CCDC17: variants seen among roughly 807,000 people sequenced by gnomAD.
The protein encoded by CCDC17 is coiled-coil domain containing 17, also known as coiled-coil domain-containing protein 17.
Under a neutral mutation model 68.0 loss-of-function variants are expected in CCDC17, and 79 were observed. That is an observed-to-expected ratio of 1.16 (90% CI 0.97 to 1.40). The LOEUF (loss-of-function observed/expected upper bound fraction) is 1.40. Among genes scored for constraint, CCDC17 ranks in the 40% most tolerant of loss-of-function variants. The probability of loss-of-function intolerance (pLI) is 0.00; values close to 1 mark genes in which losing one functional copy is unlikely to be tolerated. For missense variants in CCDC17, 846 were observed against 811.5 expected, an observed-to-expected ratio of 1.04 and a Z score of -0.52; for synonymous variants, 376 against 337.5, an observed-to-expected ratio of 1.11 and a Z score of -1.25.
chr1:45,621,202 C>G, intron 10 of CCDC17, 79 bp downstream of exon 10: 2 of 1,550,524 alleles, frequency 1.3e-6, no homozygotes, highest in East Asian at 2.4e-5. Flanking sequence ...CCTCTGTATA[C>G]AGATGAGAAA....
In CCDC17 at chr1:45,623,305, G is replaced by T; in HGVS notation, c.405C>A (p.Ser135Arg). 6.5e-7 allele frequency: 1 copy of T among 1,549,598 alleles called. No homozygotes were observed. ...SPMSEAVGSP[S>R]ERLRALFRTR... is the part of the protein sequence containing the mutation. ...TCCTGAACAGCGCCCGCAGCCGCTC[G>T]CTGGGGCTTCCCACCGCCTCGGACA... Residue 135 changes from serine to arginine, a missense_variant, in exon 3 of 13, where the codon AGC (serine) becomes AGA (arginine). Transcript: ENST00000528266.
In CCDC17 at chr1:45,620,173, T is replaced by C; in HGVS notation, c.*102A>G. Reference sequence around the variant, plus strand: ...TTTTCTGTACTCAACTGCTAGATGCTTCTAGACCCAATGTCAGAACATGGA... The same window carrying C: ...TTTTCTGTACTCAACTGCTAGATGCCTCTAGACCCAATGTCAGAACATGGA... On this transcript the variant is annotated 3_prime_UTR_variant, in exon 13 of 13. Coordinates refer to ENST00000528266, the MANE Select transcript of CCDC17 (RefSeq NM_001114938.3). 7.3e-7 allele frequency: 1 copy of C among 1,361,136 alleles called. No individual in the cohort carries two copies. The highest frequency in any genetic ancestry group is 2.6e-5 in the East Asian group (1 of 38,240). The allele number at this position is 1,361,136 out of a possible 1,614,324, so 84.3% of individuals were successfully genotyped here. A position where few individuals can be genotyped will look rare whatever the true frequency, so the allele number is the denominator to read the frequency against.
In CCDC17 at chr1:45,621,494, A is replaced by C. The variant is rs1305433413; in HGVS notation, c.1185-10T>G. On this transcript the variant is annotated splice_polypyrimidine_tract_variant and intron_variant, in intron 9 of 12. Coordinates refer to ENST00000528266, the MANE Select transcript of CCDC17 (RefSeq NM_001114938.3). ...AATGACCAGGCCAGCCCTGGGGAAC[A>C]CAAGTCTTAGCACAGAAATACCCAA... is the stretch of plus-strand genomic sequence containing the variant. 6.3e-7 allele frequency: 1 copy of C among 1,579,270 alleles called. No individual in the cohort carries two copies. The highest frequency in any genetic ancestry group is 1.4e-5 in the African/African-American group (1 of 74,010).
Position 45,623,985 on chromosome 1 carries a change from G to C in CCDC17, c.-76C>G. On this transcript the variant is annotated 5_prime_UTR_variant, in exon 1 of 13. The change creates a premature stop within an existing upstream ORF in the 5' untranslated region. Coordinates refer to ENST00000528266, the MANE Select transcript of CCDC17 (RefSeq NM_001114938.3). ...GGGCAGGGGAAAGGCAGAGGAGGATGAAAGAGACATAAAGCCAGAGGCAGA... is the reference window on the plus strand; with the variant it reads ...GGGCAGGGGAAAGGCAGAGGAGGATCAAAGAGACATAAAGCCAGAGGCAGA... The C allele has an allele frequency of 9.5e-7, 1 of 1,047,528 alleles. No individual in the cohort carries two copies. Among genetic ancestry groups the C allele is most frequent in the Non-Finnish European group, 1.4e-6 (1 of 732,056 alleles). The allele number at this position is 1,047,528 out of a possible 1,614,324, so 64.9% of individuals were successfully genotyped here.
Position 45,621,479 on chromosome 1 carries a change from C to G in CCDC17, c.1190G>C (p.Gly397Ala). ...CAGGAAATCATAGAAAATGACCAGGCCAGCCCTGGGGAACACAAGTCTTAG... is the reference window on the plus strand; with the variant it reads ...CAGGAAATCATAGAAAATGACCAGGGCAGCCCTGGGGAACACAAGTCTTAG... ...LGPAPYDPGA[G>A]LVIFYDFLRG... The change falls in exon 10 of 13, where the codon GGC becomes GCC. Residue 397 changes from glycine to alanine, a missense_variant. Gly to Ala is a moderately conservative substitution (Grantham distance 60, BLOSUM62 0). Coordinates refer to ENST00000528266, the MANE Select transcript of CCDC17 (RefSeq NM_001114938.3). 4 of 1,584,486 alleles carry G rather than the reference C, an allele frequency of 2.5e-6. No homozygotes were observed. Among genetic ancestry groups the G allele is most frequent in the Non-Finnish European group, 3.4e-6 (4 of 1,165,788 alleles).
Position 45,623,758 on chromosome 1 carries a change from G to T in CCDC17, c.152C>A (p.Ala51Asp), listed in dbSNP as rs1237074514. 1 of 1,551,198 alleles carries T rather than the reference G, an allele frequency of 6.4e-7. No individual in the cohort carries two copies. The highest frequency in any genetic ancestry group is 8.7e-7 in the Non-Finnish European group (1 of 1,146,722). Residue 51 changes from alanine to aspartate, a missense_variant, in exon 1 of 13, where the codon GCC becomes GAC. Physicochemically the swap from Ala to Asp is moderately radical, Grantham distance 126. Transcript: ENST00000528266. ...EMTFGAQASVATEPQRAAVVP... is the reference protein window; with the variant it reads ...EMTFGAQASVDTEPQRAAVVP... ...TACCGCGGCCCGCTGGGGTTCAGTG[G>T]CAACTGATGCCTGTGCTCCAAATGT...
chr1:45,620,956 C>A lies in CCDC17; in HGVS notation c.1546G>T (p.Ala516Ser). Residue 516 changes from alanine to serine, a missense_variant, in exon 11 of 13, where the codon GCC becomes TCC. Physicochemically the swap from Ala to Ser is moderately conservative, Grantham distance 99. Coordinates refer to ENST00000528266, the MANE Select transcript of CCDC17 (RefSeq NM_001114938.3). ...CTAAGGCTGGGGTCCAGAGGAAGGGCCCGAAGTGGGAGGCGCCAGCGGCCA... is the reference window on the plus strand; with the variant it reads ...CTAAGGCTGGGGTCCAGAGGAAGGGACCGAAGTGGGAGGCGCCAGCGGCCA... ...LSGRWRLPLR[A>S]LPLDPSLSLG... 4 of 1,613,848 alleles carry A rather than the reference C, an allele frequency of 2.5e-6. No individual in the cohort carries two copies. Among genetic ancestry groups the A allele is most frequent in the Non-Finnish European group, 3.4e-6 (4 of 1,179,828 alleles).
chr1:45,621,539 T>C, intron 9 of CCDC17, 55 bp from the exon 10 acceptor site: 1 of 1,572,910 alleles, frequency 6.4e-7, no homozygotes, highest in African/African-American at 1.4e-5. Context: ...ACCTCCCTCC[T>C]CTCAGGCAGG....
chr1:45,622,326 C>T lies in CCDC17; in HGVS notation c.882G>A (p.Gly294=). The part of the protein sequence containing the change: ...TRRGRAGATS[G]ELPVVEAENR... ...TTTCAGCCTCCACTACTGGAAGCTC[C>T]CCTGAGGTGGCACCTGCCCTTCCTG... The change falls in exon 7 of 13, where the codon GGG becomes GGA. Residue 294 remains glycine, a synonymous_variant. Coordinates refer to ENST00000528266, the MANE Select transcript of CCDC17 (RefSeq NM_001114938.3). The T allele has an allele frequency of 6.2e-7, 1 of 1,608,386 alleles. No homozygotes were observed. The highest frequency in any genetic ancestry group is 1.1e-5 in the South Asian group (1 of 90,448).
Position 45,621,380 on chromosome 1 carries a change from C to A in CCDC17, c.1289G>T (p.Arg430Met). 6.3e-7 allele frequency: 1 copy of A among 1,594,012 alleles called. No individual in the cohort carries two copies. The highest frequency in any genetic ancestry group is 1.3e-5 in the African/African-American group (1 of 74,628). ...GLARDGRDTG[R>M]TTALPPALCL... ...AAGGGCTGGGGGCAACGCTGTGGTC[C>A]TTCCTGTATCCCGTCCATCGCGTGC... is the stretch of plus-strand genomic sequence containing the variant. The change falls in exon 10 of 13, where the codon AGG becomes ATG. Residue 430 changes from arginine to methionine, a missense_variant. Physicochemically the swap from Arg to Met is moderately conservative, Grantham distance 91. Transcript: ENST00000528266.
chr1:45,621,888 C>G lies in CCDC17; in HGVS notation c.1075G>C (p.Gly359Arg). ...PVAPPLPPLP[G>R]FSEPQLPGTM... Reference sequence around the variant, plus strand: ...CCCAAGAACTGAACCTCCGAGAAGCCTGGAAGTGGTGGCAGCGGTGGTGCC... The same window carrying G: ...CCCAAGAACTGAACCTCCGAGAAGCGTGGAAGTGGTGGCAGCGGTGGTGCC... Residue 359 changes from glycine (G) to arginine (R), a missense_variant, in exon 8 of 13, where the codon GGC (glycine) becomes CGC (arginine). By Grantham distance (125) the Gly-to-Arg change is moderately radical. Coordinates refer to ENST00000528266, the MANE Select transcript of CCDC17 (RefSeq NM_001114938.3). The G allele has an allele frequency of 6.2e-7, 1 of 1,604,384 alleles. No homozygotes were observed. The highest frequency in any genetic ancestry group is 8.5e-7 in the Non-Finnish European group (1 of 1,175,808).
chr1:45,621,182 G>C, intron 10 of CCDC17, 69 bp from the exon 11 acceptor site: 1 of 1,570,954 alleles, frequency 6.4e-7, no homozygotes, highest in Non-Finnish European at 8.6e-7. Flanking sequence ...TAGCCCTTTA[G>C]AGCCAGCGGC....
chr1:45,621,791 C>CA (rs1203827963), intron 8 of CCDC17, 56 bp from the exon 9 acceptor site: 1 of 1,604,534 alleles, frequency 6.2e-7, no homozygotes, highest in African/African-American at 1.3e-5. Context: ...CATGTTCCCC[C>CA]AACTGCTCAG....
In CCDC17 at chr1:45,623,540, A is replaced by G; in HGVS notation, c.270+17T>C. 6.5e-7 allele frequency: 1 copy of G among 1,548,352 alleles called. No individual in the cohort carries two copies. The highest frequency in any genetic ancestry group is 8.7e-7 in the Non-Finnish European group (1 of 1,146,788). On this transcript the variant is annotated intron_variant, in intron 2 of 12. Transcript: ENST00000528266. Reference sequence around the variant, plus strand: ...CGCTCAACGTTTTGAGCCCTGGGGGAAGGTAGGTAGCTCTACCTCCTCTGT... The same window carrying G: ...CGCTCAACGTTTTGAGCCCTGGGGGGAGGTAGGTAGCTCTACCTCCTCTGT...
chr1:45,622,933 G>A lies in CCDC17; in HGVS notation c.656+22C>T, dbSNP rs372366891. ...CCACCCCGGAGCCGCATGTTCCGGG[G>A]ATCCGCTTAGTCGGGTCTCACCCTG... On this transcript the variant is annotated intron_variant, in intron 4 of 12. Coordinates refer to ENST00000528266, the MANE Select transcript of CCDC17 (RefSeq NM_001114938.3). 5.3e-5 allele frequency: 84 copies of A among 1,590,828 alleles called. No individual in the cohort carries two copies. The African/African-American group carries it at 1.0e-3, about 19-fold the overall frequency.
At chr1:45,622,074 G>A (rs1166604342) in intron 7 of CCDC17, 79 bp from the exon 8 acceptor site, 15 of 1,450,940 alleles carry the variant, frequency 1.0e-5, no homozygotes, top group Non-Finnish European at 1.4e-5. Context: ...CCAAGAGTTG[G>A]GCCCACAAAT....
Position 45,620,982 on chromosome 1 carries a change from C to G in CCDC17, c.1520G>C (p.Ser507Thr), listed in dbSNP as rs377018471. 4.3e-6 allele frequency: 7 copies of G among 1,613,758 alleles called. No homozygotes were observed. The African/African-American group carries it at 9.3e-5, about 22-fold the overall frequency. ...GLFDQDQRVL[S>T]GRWRLPLRAL... Reference sequence around the variant, plus strand: ...CCGAAGTGGGAGGCGCCAGCGGCCACTTAGCACCCGCTGATCTTGGTCAAA... The same window carrying G: ...CCGAAGTGGGAGGCGCCAGCGGCCAGTTAGCACCCGCTGATCTTGGTCAAA... Residue 507 changes from serine (S) to threonine (T), a missense_variant, in exon 11 of 13, where the codon AGT (serine) becomes ACT (threonine). By Grantham distance (58) the Ser-to-Thr change is moderately conservative. Coordinates refer to ENST00000528266, the MANE Select transcript of CCDC17 (RefSeq NM_001114938.3).
intron 12 of CCDC17, 28 bp from the exon 13 acceptor site, chr1:45,620,461 A>G: frequency 3.9e-6 from 6 of 1,522,898 alleles, no homozygotes; most frequent in Non-Finnish European, 4.4e-6. Context: ...GCAGGTTTTG[A>G]GCAAAAATGT....
rs1454990371 is a variant in CCDC17, at chr1:45,623,415, G to A, written c.295C>T (p.Gln99Ter). The change falls in exon 3 of 13, where the codon CAG becomes TAG. Residue 99 changes from glutamine to a stop codon, truncating the protein, a stop_gained. Coordinates refer to ENST00000528266, the MANE Select transcript of CCDC17 (RefSeq NM_001114938.3). LOFTEE classifies it high-confidence loss of function. Reference sequence around the variant, plus strand: ...TCTGTTATCCAGGGCCGCATTTCCTGTAGGGATAGCCGCAGCCACTGCACC... The same window carrying A: ...TCTGTTATCCAGGGCCGCATTTCCTATAGGGATAGCCGCAGCCACTGCACC... ...EEVQWLRLSLQEMRPWITEVP... is the reference protein window; with the variant it reads ...EEVQWLRLSL 1.3e-6 allele frequency: 2 copies of A among 1,550,634 alleles called. No homozygotes were observed. The highest frequency in any genetic ancestry group is 1.7e-6 in the Non-Finnish European group (2 of 1,146,988).
Sources: gnomAD v4.1 joint callset for allele counts on GRCh38, gnomAD v4.1.1 for gene constraint, MANE v1.5 for transcripts, NCBI Gene and HGNC (gene_info 2026-07-23, HGNC 2026-07-21) for gene names.